The following USP46 variants were observed in gnomAD, a reference collection of about 807,000 sequenced individuals.
USP46 encodes the protein ubiquitin carboxyl-terminal hydrolase 46.
Under a neutral mutation model 44.4 loss-of-function variants are expected in USP46, and 12 were observed. That is an observed-to-expected ratio of 0.27 (90% CI 0.17 to 0.44). The LOEUF (loss-of-function observed/expected upper bound fraction) is 0.44. Ranked by LOEUF, USP46 falls within the 20% of genes least tolerant of loss-of-function variation. The pLI, the probability that USP46 is intolerant of heterozygous loss-of-function variation, is 1.00. For missense variants in USP46, 248 were observed against 444.8 expected (o/e 0.56, Z 3.98); for synonymous variants, 155 against 161.5 (o/e 0.96, Z 0.31).
chr4:52,610,695 C>G (rs1300068834), intron 4 of USP46, 78 bp from the exon 5 acceptor site: 1 of 1,349,344 alleles, frequency 7.4e-7, no homozygotes, highest in Admixed American at 1.9e-5. Context: ...TAGGTAATCA[C>G]CGACTGCAAT....
chr4:52,658,030 G>A (rs1028484025), intron 1 of USP46: 1 of 337,722 alleles, frequency 3.0e-6, no homozygotes, highest in African/African-American at 2.1e-5. Context: ...CCCTTTAGGG[G>A]CCAGTATTAC....
At position 52,626,319 on chromosome 4, in the gene USP46, C is replaced by T. The variant is rs898036552; in HGVS notation, c.332-72G>A. The T allele has an allele frequency of 6.9e-6, 9 of 1,310,734 alleles. No homozygotes were observed. In the East Asian group the frequency reaches 1.2e-4, roughly 17 times the overall value. The allele number at this position is 1,310,734 out of a possible 1,614,324, so 81.2% of individuals were successfully genotyped here. A position where few individuals can be genotyped will look rare whatever the true frequency, so the allele number is the denominator to read the frequency against. ...AAATGGATGTAATTAGTGTTACATG[C>T]CATACTTAAATATTTTTTTTTTGAG... On this transcript the variant is annotated intron_variant, in intron 3 of 8. Coordinates refer to ENST00000441222, the MANE Select transcript of USP46 (RefSeq NM_022832.4).
chr4:52,593,509 T>C lies in USP46; in HGVS notation c.*4131A>G, dbSNP rs1716110358. ...CCAAGCATGTATTCCGATGACAATC[T>C]TCTGTCCACCCACAGGTGCCCTGGG... On this transcript the variant is annotated 3_prime_UTR_variant, in exon 9 of 9. Transcript: ENST00000441222. 6.6e-6 allele frequency: 1 copy of C among 152,264 alleles called. No homozygotes were observed. Among genetic ancestry groups the C allele is most frequent in the Non-Finnish European group, 1.5e-5 (1 of 68,086 alleles). 9.4% of individuals were successfully genotyped at this position (152,264 alleles called of 1,614,324 possible). A position where few individuals can be genotyped will look rare whatever the true frequency, so the allele number is the denominator to read the frequency against.
At chr4:52,626,374 G>T in intron 3 of USP46, 127 bp from the exon 4 acceptor site, 1 of 765,894 alleles carries the variant, frequency 1.3e-6, no homozygotes, top group Non-Finnish European at 2.0e-6. Context: ...CCAGGCTAGA[G>T]CGTAGTGGCA....
intron 1 of USP46, among the ~76,000 whole-genome samples, chr4:52,647,809 CTTATT>C (rs1335761590): frequency 6.6e-6 from 1 of 152,152 alleles, no homozygotes; most frequent in Non-Finnish European, 1.5e-5. Flanking sequence ...AGGAGTGGTT[CTTATT>C]TTATAGACCC....
rs924849130 is a variant in USP46 at position 52,598,557 on chromosome 4, G to A, written c.999+71C>T. ...GGGAAACAGGCCTATTTTAGAAAAT[G>A]TCTATACATACACATTCTCCGAAAT... On this transcript the variant is annotated intron_variant, in intron 8 of 8. Coordinates refer to ENST00000441222, the MANE Select transcript of USP46 (RefSeq NM_022832.4). 2.1e-6 allele frequency: 3 copies of A among 1,442,994 alleles called. No individual in the cohort carries two copies. The African/African-American group carries it at 4.2e-5, about 20-fold the overall frequency. The allele number at this position is 1,442,994 out of a possible 1,614,324, so 89.4% of individuals were successfully genotyped here.
intron 7 of USP46, among the ~76,000 whole-genome samples, chr4:52,601,202 T>C (rs922874390): frequency 6.6e-6 from 1 of 152,114 alleles, no homozygotes; most frequent in Non-Finnish European, 1.5e-5. Flanking sequence ...CATAAACCTG[T>C]CCCAACTGAG....
At chr4:52,631,513 T>TG (rs1346286115) in intron 1 of USP46, among the ~76,000 whole-genome samples, 2 of 152,152 alleles carry the variant, frequency 1.3e-5, no homozygotes, top group Non-Finnish European at 2.9e-5. Flanking sequence ...CAGAATCATA[T>TG]TACCACTATC....
chr4:52,621,467 C>T (rs1717372771), intron 4 of USP46, among the ~76,000 whole-genome samples: 1 of 152,160 alleles, frequency 6.6e-6, no homozygotes, highest in South Asian at 2.1e-4. Flanking sequence ...ACCAGCCTGA[C>T]CAACTTGGTA....
At chr4:52,625,968 GTACA>G in intron 4 of USP46, 46 bp downstream of exon 4, 1 of 1,520,890 alleles carries the variant, frequency 6.6e-7, no homozygotes, top group South Asian at 1.2e-5. Context: ...GCAACATAGC[GTACA>G]TAAATATGAA....
At chr4:52,604,427 C>A in intron 6 of USP46, 74 bp downstream of exon 6, 2 of 1,300,708 alleles carry the variant, frequency 1.5e-6, no homozygotes, top group Non-Finnish European at 2.2e-6. Context: ...TGATTCAAAG[C>A]CAACCCTGCT....
intron 1 of USP46, among the ~76,000 whole-genome samples, chr4:52,635,852 G>T (rs1266389305): frequency 6.6e-6 from 1 of 152,172 alleles, no homozygotes; most frequent in Non-Finnish European, 1.5e-5. Context: ...TCTGAGATGG[G>T]TTTCAAACAA....
At chr4:52,616,337 T>TTTCCCTTCCC (rs529482480) in intron 4 of USP46, among the ~76,000 whole-genome samples, 1 of 152,096 alleles carries the variant, frequency 6.6e-6, no homozygotes, top group Non-Finnish European at 1.5e-5. Context: ...TTTCCTTTCC[T>TTTCCCTTCCC]TTCCCTTCCC....
intron 5 of USP46, among the ~76,000 whole-genome samples, chr4:52,607,429 A>C (rs1168527266): frequency 6.6e-6 from 1 of 152,252 alleles, no homozygotes; most frequent in African/African-American, 2.4e-5. Flanking sequence ...TGCTCTTTCC[A>C]ACACTTGGGA....
rs1718664339 is a variant in USP46, at chr4:52,649,150, C to T, written c.36+9965G>A. 2.0e-5 allele frequency among the ~76,000 whole-genome samples: 3 copies of T among 152,202 alleles called. No individual in the cohort carries two copies. In the South Asian group the frequency reaches 6.2e-4, roughly 32 times the overall value. On this transcript the variant is annotated intron_variant, in intron 1 of 8. Coordinates refer to ENST00000441222, the MANE Select transcript of USP46 (RefSeq NM_022832.4). The stretch of plus-strand genomic sequence containing the variant: ...CCCCAATGTCACTCCTCCCAAAGTG[C>T]CCCACTAAATGTGGACAGCAGGTCA...
intron 1 of USP46, among the ~76,000 whole-genome samples, chr4:52,655,763 C>T (rs1353417537): frequency 6.6e-6 from 1 of 152,174 alleles, no homozygotes; most frequent in African/African-American, 2.4e-5. Context: ...GGCCAAGCTG[C>T]CTTGCCCTGA....
At chr4:52,655,779 TTCA>T (rs1408659539) in intron 1 of USP46, among the ~76,000 whole-genome samples, 2 of 152,184 alleles carry the variant, frequency 1.3e-5, no homozygotes, top group African/African-American at 2.4e-5. Context: ...CCTGAGCAAG[TTCA>T]TCAAGAATTA....
chr4:52,612,601 C>T (rs2109610216), intron 4 of USP46, among the ~76,000 whole-genome samples: 1 of 152,374 alleles, frequency 6.6e-6, no homozygotes, highest in South Asian at 2.1e-4. Flanking sequence ...GGCTAGCCTG[C>T]TGTTCCCAGG....
intron 4 of USP46, among the ~76,000 whole-genome samples, chr4:52,613,117 T>G (rs924766756): frequency 5.3e-5 from 8 of 151,936 alleles, no homozygotes; most frequent in Non-Finnish European, 1.2e-4. Flanking sequence ...ACACAACGAG[T>G]TCATGGTTTC....
Sources: allele counts gnomAD v4.1 joint callset (sites outside exome capture counted in the v4.1 genomes callset), GRCh38; gene constraint gnomAD v4.1.1; transcripts MANE v1.5; gene names NCBI Gene and HGNC (gene_info 2026-07-23, HGNC 2026-07-21).